EPM2A: variants seen among roughly 807,000 people sequenced by gnomAD.
EPM2A encodes laforin.
In EPM2A, 21 loss-of-function variants were observed where a neutral mutation model predicts 26.5. The observed-to-expected ratio is 0.79, with a 90% CI of 0.56 to 1.14. The LOEUF (loss-of-function observed/expected upper bound fraction) is 1.14. Among genes scored for constraint, EPM2A ranks in the 50% most tolerant of loss-of-function variants. The pLI is 0.00. For missense variants in EPM2A, 458 were observed against 440.8 expected, an observed-to-expected ratio of 1.04 and a Z score of -0.35; for synonymous variants, 217 against 177.6, an observed-to-expected ratio of 1.22 and a Z score of -1.76.
At chr6:145,486,353 AT>A (rs748096441) in intron 4 of EPM2A, among the ~76,000 whole-genome samples, 1 of 152,184 alleles carries the variant, frequency 6.6e-6, no homozygotes, top group Non-Finnish European at 1.5e-5. Context: ...CTACAACATG[AT>A]GTTATAACAT....
In EPM2A at chr6:145,627,046, G is replaced by A; in HGVS notation, c.*370C>T. 1 of 1,162,330 alleles carries A rather than the reference G, an allele frequency of 8.6e-7. No individual in the cohort carries two copies. Among genetic ancestry groups the A allele is most frequent in the Non-Finnish European group, 1.1e-6 (1 of 934,648 alleles). 72.0% of individuals were successfully genotyped at this position (1,162,330 alleles called of 1,614,324 possible). On this transcript the variant is annotated 3_prime_UTR_variant, in exon 4 of 4. Coordinates refer to ENST00000367519, the MANE Select transcript of EPM2A (RefSeq NM_005670.4). ...AACTCCATATCTTTTCCTCTACATG[G>A]CCAAGAGTTTCAGTGCAACAGGAAA...
At chr6:145,513,700 C>T (rs1379178994) in intron 2 of EPM2A, among the ~76,000 whole-genome samples, 1 of 152,178 alleles carries the variant, frequency 6.6e-6, no homozygotes, top group Admixed American at 6.5e-5. Flanking sequence ...TTATTCATGA[C>T]ATGCAAGTGA....
intron 2 of EPM2A, among the ~76,000 whole-genome samples, chr6:145,653,237 G>C (rs781255475): frequency 8.5e-5 from 13 of 152,176 alleles, no homozygotes; most frequent in Non-Finnish European, 1.8e-4. Flanking sequence ...GATAATGGGG[G>C]CGGGTTTCCC....
At chr6:145,516,385 G>C (rs1183025578) in intron 2 of EPM2A, among the ~76,000 whole-genome samples, 1 of 152,158 alleles carries the variant, frequency 6.6e-6, no homozygotes, top group Non-Finnish European at 1.5e-5. Flanking sequence ...TTGCCTCTCT[G>C]AGGACCTAGA....
chr6:145,489,084 C>A (rs991215447), intron 4 of EPM2A, among the ~76,000 whole-genome samples: 2 of 152,122 alleles, frequency 1.3e-5, no homozygotes, highest in Non-Finnish European at 2.9e-5. Flanking sequence ...TTTGCCACCA[C>A]CCCTCTCTCT....
At chr6:145,500,473 A>G (rs1268573657), downstream of EPM2A, among the ~76,000 whole-genome samples, 1 of 152,192 alleles carries the variant, frequency 6.6e-6, no homozygotes, top group African/African-American at 2.4e-5. Context: ...AGCCACTCAG[A>G]TATGTGGAAC....
downstream of EPM2A, among the ~76,000 whole-genome samples, chr6:145,501,395 T>A (rs1779887773): frequency 6.6e-6 from 1 of 152,200 alleles, no homozygotes; most frequent in Non-Finnish European, 1.5e-5. Flanking sequence ...AATGGTCATA[T>A]GTTTTCTTAC....
At chr6:145,714,237 C>T (rs1775491038) in intron 1 of EPM2A, among the ~76,000 whole-genome samples, 2 of 152,216 alleles carry the variant, frequency 1.3e-5, no homozygotes, top group African/African-American at 4.8e-5. Context: ...ATACCAAAAT[C>T]TGCAGATGCT....
downstream of EPM2A, among the ~76,000 whole-genome samples, chr6:145,499,364 T>C (rs1779860083): frequency 6.6e-6 from 1 of 152,250 alleles, no homozygotes; most frequent in Non-Finnish European, 1.5e-5. Context: ...CTGCCCTACC[T>C]GTTATTTAGA....
At chr6:145,438,057 A>C (rs9403701) in intron 4 of EPM2A, among the ~76,000 whole-genome samples, 120,871 of 152,148 alleles carry the variant, frequency 0.79, 48,143 homozygotes, top group East Asian at 0.91. Context: ...ATACATTGTT[A>C]ACTCTTACCT....
chr6:145,391,761 T>C (rs1778339844), intron 4 of EPM2A, among the ~76,000 whole-genome samples: 1 of 152,250 alleles, frequency 6.6e-6, no homozygotes, highest in Admixed American at 6.6e-5. Context: ...CATGAGCCCA[T>C]TGACAGCTCA....
chr6:145,577,007 C>G (rs1176893294), intron 2 of EPM2A, among the ~76,000 whole-genome samples: 1 of 149,840 alleles, frequency 6.7e-6, no homozygotes, highest in Non-Finnish European at 1.5e-5. Flanking sequence ...ACCACATTGT[C>G]AAAACCTATA....
intron 2 of EPM2A, among the ~76,000 whole-genome samples, chr6:145,557,167 A>T (rs563737025): frequency 6.6e-6 from 1 of 152,160 alleles, no homozygotes; most frequent in Non-Finnish European, 1.5e-5. Context: ...CATAAATTAT[A>T]TATTTTGAGA....
intron 4 of EPM2A, among the ~76,000 whole-genome samples, chr6:145,398,502 G>A (rs373705096): frequency 3.9e-5 from 6 of 151,990 alleles, no homozygotes; most frequent in South Asian, 4.2e-4. Context: ...AAGTGTTGCC[G>A]CTGGAGACAA....
Position 145,487,955 on chromosome 6 carries a change from T to C in EPM2A, c.555+14567A>G, listed in dbSNP as rs1779699107. Among the ~76,000 whole-genome samples, 3 of 152,128 alleles carry C rather than the reference T, an allele frequency of 2.0e-5. No individual in the cohort carries two copies. The South Asian group carries it at 6.2e-4, about 32-fold the overall frequency. On this transcript the variant is annotated intron_variant, in intron 4 of 4. Transcript: ENST00000638717. ...CCAGGGTTTTTATAGTTTTGGGTTT[T>C]ATATGTAAGTCTTTAATCCATCTTG...
chr6:145,673,570 T>C (rs2128601771), intron 2 of EPM2A, among the ~76,000 whole-genome samples: 1 of 152,258 alleles, frequency 6.6e-6, no homozygotes, highest in South Asian at 2.1e-4. Flanking sequence ...ACACTTTCAC[T>C]CAAATACTGC....
At chr6:145,596,766 T>C (rs1185696090) in intron 2 of EPM2A, among the ~76,000 whole-genome samples, 3 of 151,966 alleles carry the variant, frequency 2.0e-5, no homozygotes, top group African/African-American at 7.2e-5. Context: ...CGTGGGACTC[T>C]CTCACATTCT....
intron 2 of EPM2A, among the ~76,000 whole-genome samples, chr6:145,617,501 G>A (rs188633336): frequency 5.4e-4 from 82 of 152,214 alleles, no homozygotes; most frequent in Admixed American, 1.4e-3. Flanking sequence ...AAGAGAAATC[G>A]TTATTAAAAT....
chr6:145,705,723 G>A (rs1782186301), intron 1 of EPM2A, among the ~76,000 whole-genome samples: 1 of 152,156 alleles, frequency 6.6e-6, no homozygotes, highest in African/African-American at 2.4e-5. Context: ...AAAGGAGAAT[G>A]AGGCAACGCA....
Sources: gnomAD v4.1 joint callset for allele counts (sites outside exome capture counted in the v4.1 genomes callset) on GRCh38, gnomAD v4.1.1 for gene constraint, MANE v1.5 for transcripts, NCBI Gene and HGNC (gene_info 2026-07-23, HGNC 2026-07-21) for gene names.